The following PAX8 variants were observed in gnomAD, a reference collection of about 807,000 sequenced individuals.
PAX8 encodes paired box protein Pax-8.
PAX8 carries 15 observed loss-of-function variants against 52.4 expected under a neutral mutation model. The ratio of observed to expected loss-of-function variants is 0.29; its 90% CI spans 0.19 to 0.44. PAX8 has a LOEUF of 0.44. Among genes scored for constraint, PAX8 ranks in the 20% least tolerant of loss-of-function variants. The pLI is 1.00. For missense variants in PAX8, 554 were observed against 602.5 expected (o/e 0.92, Z 0.84); for synonymous variants, 284 against 249.7 (o/e 1.14, Z -1.29).
At chr2:113,222,491 G>C (rs539816301) in intron 10 of PAX8, among the ~76,000 whole-genome samples, 1 of 152,126 alleles carries the variant, frequency 6.6e-6, no homozygotes, top group African/African-American at 2.4e-5. Flanking sequence ...GCATCTTCCC[G>C]TCATCAGATG....
intron 9 of PAX8, among the ~76,000 whole-genome samples, chr2:113,230,208 G>C (rs1014878339): frequency 6.6e-6 from 1 of 152,168 alleles, no homozygotes; most frequent in African/African-American, 2.4e-5. Flanking sequence ...CCTGTTTGCT[G>C]GTGCTGGCCT....
chr2:113,257,498 G>A (rs1200146668), intron 2 of PAX8, among the ~76,000 whole-genome samples: 3 of 151,944 alleles, frequency 2.0e-5, no homozygotes, highest in African/African-American at 7.2e-5. Context: ...GGCTTCCTTA[G>A]ATGCTTCTGC....
At chr2:113,255,193 A>C (rs1332587989) in intron 2 of PAX8, among the ~76,000 whole-genome samples, 1 of 135,266 alleles carries the variant, frequency 7.4e-6, no homozygotes, top group African/African-American at 2.7e-5. Flanking sequence ...AGAGGAATAG[A>C]GGGAAGGAGA....
intron 9 of PAX8, among the ~76,000 whole-genome samples, chr2:113,233,615 T>C (rs1573428747): frequency 6.6e-6 from 1 of 150,570 alleles, no homozygotes; most frequent in Non-Finnish European, 1.5e-5. Context: ...GAGGTGGAGG[T>C]TGCAGTGAGC....
intron 8 of PAX8, chr2:113,235,842 A>T: frequency 2.0e-6 from 1 of 499,336 alleles, no homozygotes. Flanking sequence ...CTCCCACAGG[A>T]GGGAGCGCGG....
chr2:113,278,290 C>T, intron 2 of PAX8, 80 bp downstream of exon 2: 5 of 1,181,530 alleles, frequency 4.2e-6, no homozygotes, highest in South Asian at 2.5e-5. Flanking sequence ...CTGACGCTCT[C>T]GAGATCCAAC....
chr2:113,242,232 TG>T, intron 5 of PAX8, 102 bp from the exon 6 acceptor site: 1 of 669,498 alleles, frequency 1.5e-6, no homozygotes, highest in Non-Finnish European at 2.3e-6. Context: ...CTGCAGGGGC[TG>T]GGGGAGAGGG....
intron 7 of PAX8, chr2:113,238,959 C>G (rs974419048): frequency 1.3e-5 from 2 of 151,482 alleles, no homozygotes; most frequent in Admixed American, 1.3e-4. Flanking sequence ...TTTTTTGATG[C>G]ATTTGTAAAA....
intron 2 of PAX8, chr2:113,269,172 C>T (rs1332749720): frequency 1.3e-5 from 2 of 152,250 alleles, no homozygotes; most frequent in Non-Finnish European, 2.9e-5. Flanking sequence ...TTTCATTTGG[C>T]AGAAGTATCT....
intron 2 of PAX8, chr2:113,259,594 G>A (rs1220378317): frequency 6.5e-6 from 1 of 152,700 alleles, no homozygotes; most frequent in African/African-American, 2.4e-5. Flanking sequence ...GGTCAGTTCA[G>A]TCAGAATCTT....
chr2:113,252,536 A>G (rs996066823), intron 2 of PAX8, among the ~76,000 whole-genome samples: 2 of 152,192 alleles, frequency 1.3e-5, no homozygotes, highest in African/African-American at 4.8e-5. Context: ...GTTATGGGTT[A>G]CCTGGACACA....
chr2:113,240,939 G>C (rs1183794028), intron 7 of PAX8: 1 of 177,200 alleles, frequency 5.6e-6, no homozygotes, highest in Non-Finnish European at 1.2e-5. Context: ...ACATGCAGAA[G>C]GGCAAGAGGC....
In PAX8 at chr2:113,241,564, G is replaced by C. The variant is rs551891371; in HGVS notation, c.764C>G (p.Thr255Ser). 2 of 1,611,124 alleles carry C rather than the reference G, an allele frequency of 1.2e-6. No homozygotes were observed. Among genetic ancestry groups the C allele is most frequent in the East Asian group, 2.2e-5 (1 of 44,850 alleles). Residue 255 changes from threonine (T) to serine (S), a missense_variant, in exon 7 of 12, where the codon ACC becomes AGC. By Grantham distance (58) the Thr-to-Ser change is moderately conservative. Coordinates refer to ENST00000429538, the MANE Select transcript of PAX8 (RefSeq NM_003466.4). ...CCAGCTTCTCACCTGCTCGCCTTTGGTGTGGCTGGGGGAGGCATAGGCCTC... is the reference window on the plus strand; with the variant it reads ...CCAGCTTCTCACCTGCTCGCCTTTGCTGTGGCTGGGGGAGGCATAGGCCTC... The part of the protein sequence containing the change: ...YPEAYASPSH[T>S]KGEQGLYPLP...
chr2:113,237,728 A>T (rs747339522), intron 7 of PAX8: 1 of 152,186 alleles, frequency 6.6e-6, no homozygotes, highest in Non-Finnish European at 1.5e-5. Context: ...CTGGGGAAGC[A>T]GATAGCGCAG....
intron 2 of PAX8, among the ~76,000 whole-genome samples, chr2:113,251,518 T>A (rs1198101003): frequency 6.6e-6 from 1 of 152,070 alleles, no homozygotes; most frequent in Non-Finnish European, 1.5e-5. Context: ...GCAAGCAGGT[T>A]CCTGAGTGAA....
At chr2:113,260,549 A>G (rs1367914670) in intron 2 of PAX8, among the ~76,000 whole-genome samples, 1 of 152,166 alleles carries the variant, frequency 6.6e-6, no homozygotes, top group Non-Finnish European at 1.5e-5. Context: ...AGGGCAGGAA[A>G]CCATGAGAGT....
chr2:113,226,895 C>A (rs973711948), intron 10 of PAX8: 1 of 1,375,518 alleles, frequency 7.3e-7, no homozygotes, highest in Non-Finnish European at 9.5e-7. Context: ...CTGTCTCAGC[C>A]CCTCCCTTTT....
Position 113,218,306 on chromosome 2 carries a change from T to G in PAX8, c.*227A>C. ...TCAGCATGGCATGGTTCTCTTTCCC[T>G]GGGACTCCTGCCCCTCATTAAGGAG... On this transcript the variant is annotated 3_prime_UTR_variant, in exon 12 of 12. Transcript: ENST00000429538. 2.5e-6 allele frequency: 1 copy of G among 403,088 alleles called. No individual in the cohort carries two copies. Among genetic ancestry groups the G allele is most frequent in the Non-Finnish European group, 4.4e-6 (1 of 228,468 alleles). The allele number at this position is 403,088 out of a possible 1,614,324, so 25.0% of individuals were successfully genotyped here.
At chr2:113,277,300 G>A (rs1693888140) in intron 2 of PAX8, among the ~76,000 whole-genome samples, 1 of 152,230 alleles carries the variant, frequency 6.6e-6, no homozygotes, top group South Asian at 2.1e-4. Context: ...TTGGGCCATG[G>A]CCCTGGGACT....
Sources: gnomAD v4.1 joint callset for allele counts (sites outside exome capture counted in the v4.1 genomes callset) on GRCh38, gnomAD v4.1.1 for gene constraint, MANE v1.5 for transcripts, NCBI Gene and HGNC (gene_info 2026-07-23, HGNC 2026-07-21) for gene names.